TNFSF12: variants seen among roughly 807,000 people sequenced by gnomAD.
TNFSF12 encodes tumor necrosis factor ligand superfamily member 12.
Under a neutral mutation model 31.2 loss-of-function variants are expected in TNFSF12, and 16 were observed. That is an observed-to-expected ratio of 0.51 (90% confidence interval 0.35 to 0.78). TNFSF12 has a LOEUF of 0.78. TNFSF12 is among the 30% of genes least tolerant of loss of function. The pLI is 0.01. For synonymous variants in TNFSF12, 150 were observed against 151.4 expected (o/e 0.99, Z 0.07); for missense variants, 324 against 338.8 (o/e 0.96, Z 0.34).
At position 7,550,040 on chromosome 17, in the gene TNFSF12, G is replaced by A; in HGVS notation, c.208-80G>A. ...TGACTTCTGTGTCTATTGCTGGCTG[G>A]TGGCTCTCCTGACAGGCCCCGTATG... On this transcript the variant is annotated intron_variant, in intron 2 of 6. Transcript: ENST00000293825. The surrounding 1 kb of genome is among the most constrained non-coding windows in gnomAD (Gnocchi z 4.4). 3.1e-6 allele frequency: 5 copies of A among 1,606,648 alleles called. No individual in the cohort carries two copies.
chr17:7,550,931 T>C lies in TNFSF12; in HGVS notation c.338-12T>C, dbSNP rs778162062. 4 of 1,614,070 alleles carry C rather than the reference T, an allele frequency of 2.5e-6. No homozygotes were observed. The highest frequency in any genetic ancestry group is 3.4e-6 in the Non-Finnish European group (4 of 1,180,044). On this transcript the variant is annotated splice_polypyrimidine_tract_variant and intron_variant, in intron 4 of 6. Coordinates refer to ENST00000293825, the MANE Select transcript of TNFSF12 (RefSeq NM_003809.3). The surrounding 1 kb of genome is among the most constrained non-coding windows in gnomAD (Gnocchi z 4.4). ...AGGGCAGGTCTCACCAGCCTTTTCCTGTACTTTACAGTTCATCCACGACCT... is the reference window on the plus strand; with the variant it reads ...AGGGCAGGTCTCACCAGCCTTTTCCCGTACTTTACAGTTCATCCACGACCT...
chr17:7,552,327 C>CTT (rs930416946), intron 5 of TNFSF12, among the ~76,000 whole-genome samples: 109 of 128,904 alleles, frequency 8.5e-4, no homozygotes, highest in Non-Finnish European at 1.2e-3. Context: ...ATATGGATGG[C>CTT]TTTTTTTTTT....
intron 5 of TNFSF12, among the ~76,000 whole-genome samples, chr17:7,554,717 T>G (rs2071040835): frequency 7.0e-6 from 1 of 141,854 alleles, no homozygotes; most frequent in African/African-American, 2.7e-5. Context: ...CGGGTTCAAG[T>G]GATTCTCCTG....
At position 7,557,242 on chromosome 17, in the gene TNFSF12, G is replaced by A. The variant is rs4968189; in HGVS notation, c.642G>A (p.Gly214=). The change falls in exon 7 of 7, where the codon GGG becomes GGA. Residue 214 remains glycine, a synonymous_variant. Transcript: ENST00000293825. The surrounding 1 kb of genome is among the most constrained non-coding windows in gnomAD (Gnocchi z 5.2). ...GPQLRLCQVS[G]LLALRPGSSL... Reference sequence around the variant, plus strand: ...AGCTCCGCCTCTGCCAGGTGTCTGGGCTGTTGGCCCTGCGGCCAGGGTCCT... The same window carrying A: ...AGCTCCGCCTCTGCCAGGTGTCTGGACTGTTGGCCCTGCGGCCAGGGTCCT... 2 of 1,613,724 alleles carry A rather than the reference G, an allele frequency of 1.2e-6. No homozygotes were observed. Among genetic ancestry groups the A allele is most frequent in the East Asian group, 2.2e-5 (1 of 44,878 alleles).
At chr17:7,554,480 AT>A (rs1491219420) in intron 5 of TNFSF12, among the ~76,000 whole-genome samples, 1 of 131,314 alleles carries the variant, frequency 7.6e-6, no homozygotes, top group Non-Finnish European at 1.7e-5. Flanking sequence ...CGCCTGGCTA[AT>A]TTTTTTTTAT....
chr17:7,549,516 C>CCGT lies in TNFSF12; in HGVS notation c.205_207dup (p.Ser69dup), dbSNP rs753259588. 59 of 1,551,758 alleles carry CCGT rather than the reference C, an allele frequency of 3.8e-5. 1 individual carries two copies. The South Asian group carries it at 6.9e-4, about 18-fold the overall frequency. ...GCTGGTGGCAGAGGAGGACCAGGAC[C>CCGT]CGTCGGTGAGTGGGCGTGGGCGCGG... On this transcript the variant is annotated inframe_insertion, in exon 2 of 7. Transcript: ENST00000293825. This position sits in a 1 kb window ranked among gnomAD's most constrained non-coding sequence, Gnocchi z 4.1.
In TNFSF12 at chr17:7,550,833, G is replaced by T. The variant is rs764045774; in HGVS notation, c.318G>T (p.Ala106=). 6.2e-7 allele frequency: 1 copy of T among 1,612,384 alleles called. No individual in the cohort carries two copies. Among genetic ancestry groups the T allele is most frequent in the Admixed American group, 1.7e-5 (1 of 59,974 alleles). Residue 106 remains alanine (A), a synonymous_variant, in exon 4 of 7, where the codon GCG becomes GCT. Coordinates refer to ENST00000293825, the MANE Select transcript of TNFSF12 (RefSeq NM_003809.3). The surrounding 1 kb of genome is among the most constrained non-coding windows in gnomAD (Gnocchi z 4.4). Reference sequence around the variant, plus strand: ...GCCGGAAAACACGGGCTCGAAGAGCGATCGCAGCCCATTATGAAGGTGGGT... The same window carrying T: ...GCCGGAAAACACGGGCTCGAAGAGCTATCGCAGCCCATTATGAAGGTGGGT... The part of the protein sequence containing the change: ...PKGRKTRARR[A]IAAHYEVHPR...
Position 7,557,021 on chromosome 17 carries a change from G to A in TNFSF12, c.499-78G>A. The A allele has an allele frequency of 1.3e-6, 2 of 1,543,826 alleles. No individual in the cohort carries two copies. The highest frequency in any genetic ancestry group is 1.8e-6 in the Non-Finnish European group (2 of 1,141,382). ...AGTTGGGGTTTGGGTGGGATGGGAT[G>A]CCTGCGTCGCTGAGGAAATTGGAAA... On this transcript the variant is annotated intron_variant, in intron 6 of 6. Transcript: ENST00000293825. The surrounding 1 kb of genome is among the most constrained non-coding windows in gnomAD (Gnocchi z 5.2).
At chr17:7,555,982 G>GTTTTTTTTTTTTT (rs1167470187) in intron 5 of TNFSF12, among the ~76,000 whole-genome samples, 3 of 117,732 alleles carry the variant, frequency 2.5e-5, no homozygotes, top group Admixed American at 1.0e-4. Flanking sequence ...CGTTTTTTTT[G>GTTTTTTTTTTTTT]TTTTTTTTTT....
In TNFSF12 at chr17:7,555,973, G is replaced by GTTTTTTTTTTTTTTTTTTTTTTTTT. The variant is rs59248137; in HGVS notation, c.374-797_374-796insTTTTTTTTTTTTTTTTTTTTTTTTT. Reference sequence around the variant, plus strand: ...GTGGAAATAAAAATGCCCAGTGAGCGTTTTTTTTGTTTTTTTTTTTTTTTG... The same window carrying GTTTTTTTTTTTTTTTTTTTTTTTTT: ...GTGGAAATAAAAATGCCCAGTGAGCGTTTTTTTTTTTTTTTTTTTTTTTTTTTTTTTTTGTTTTTTTTTTTTTTTG... On this transcript the variant is annotated intron_variant, in intron 5 of 6. Transcript: ENST00000293825. Among the ~76,000 whole-genome samples the GTTTTTTTTTTTTTTTTTTTTTTTTT allele has an allele frequency of 1.7e-4, 12 of 70,880 alleles. 3 individuals are homozygous for GTTTTTTTTTTTTTTTTTTTTTTTTT. The highest frequency in any genetic ancestry group is 9.9e-4 in the South Asian group (2 of 2,016). The allele number at this position is 70,880 out of a possible 152,430, so 46.5% of individuals were successfully genotyped here.
intron 5 of TNFSF12, among the ~76,000 whole-genome samples, chr17:7,554,764 GCCA>G (rs34736138): frequency 0.29 from 42,268 of 146,768 alleles, 7,447 homozygotes; most frequent in Middle Eastern, 0.57. Context: ...ACAGGCGCCT[GCCA>G]CCACGCCTGG....
At chr17:7,551,118 C>G in intron 5 of TNFSF12, 140 bp downstream of exon 5, 2 of 1,440,208 alleles carry the variant, frequency 1.4e-6, no homozygotes, top group East Asian at 4.9e-5. Flanking sequence ...TCTCTGTGAC[C>G]CAGGCGTGGG....
At chr17:7,553,023 C>CTTTCTTTTTTTTTT (rs1567721053) in intron 5 of TNFSF12, among the ~76,000 whole-genome samples, 4 of 66,054 alleles carry the variant, frequency 6.1e-5, no homozygotes, top group African/African-American at 1.4e-4. Context: ...CAGGGACAAC[C>CTTTCTTTTTTTTTT]TTTTTTTTTT....
Position 7,557,580 on chromosome 17 carries a change from A to G in TNFSF12, c.*230A>G, listed in dbSNP as rs2071090058. 1.8e-6 allele frequency: 1 copy of G among 560,586 alleles called. No individual in the cohort carries two copies. The highest frequency in any genetic ancestry group is 3.4e-5 in the East Asian group (1 of 29,650). 34.7% of individuals were successfully genotyped at this position (560,586 alleles called of 1,614,324 possible). On this transcript the variant is annotated 3_prime_UTR_variant, in exon 7 of 7. Transcript: ENST00000293825. This position sits in a 1 kb window ranked among gnomAD's most constrained non-coding sequence, Gnocchi z 5.2. ...CACTCTCCACCTCACTAGCTCCCCA[A>G]TCCCTGACCCTTTGAGGCCCCCAGT...
At chr17:7,553,740 C>A in intron 5 of TNFSF12, 4 of 1,233,988 alleles carry the variant, frequency 3.2e-6, no homozygotes, top group South Asian at 2.7e-5. Flanking sequence ...GGGCCACATC[C>A]AAAAAGGGGA....
intron 5 of TNFSF12, 72 bp downstream of exon 5, chr17:7,551,050 TC>T: frequency 6.2e-7 from 1 of 1,606,156 alleles, no homozygotes; most frequent in Non-Finnish European, 8.5e-7. Context: ...GACCTCCCAC[TC>T]CCTTCCCGGC....
At position 7,557,821 on chromosome 17, in the gene TNFSF12, AAAC is replaced by A. The variant is rs1346530866; in HGVS notation, c.*473_*475del. ...CTTGAGAATTCCCTGTGGATTTTTA[AAAC>A]AGATATTATTTTTATTATTATTGTG... On this transcript the variant is annotated 3_prime_UTR_variant, in exon 7 of 7. Coordinates refer to ENST00000293825, the MANE Select transcript of TNFSF12 (RefSeq NM_003809.3). The surrounding 1 kb of genome is among the most constrained non-coding windows in gnomAD (Gnocchi z 5.2). The A allele has an allele frequency of 6.3e-6, 1 of 159,916 alleles. No individual in the cohort carries two copies. The highest frequency in any genetic ancestry group is 1.9e-4 in the East Asian group (1 of 5,390). The allele number at this position is 159,916 out of a possible 1,614,324, so 9.9% of individuals were successfully genotyped here. A position where few individuals can be genotyped will look rare whatever the true frequency, so the allele number is the denominator to read the frequency against.
At chr17:7,553,844 T>G (rs1351745650) in intron 5 of TNFSF12, 3 of 1,108,156 alleles carry the variant, frequency 2.7e-6, no homozygotes, top group Non-Finnish European at 2.2e-6. Flanking sequence ...GTAGATTTGC[T>G]GGGGGGAGAT....
intron 5 of TNFSF12, chr17:7,553,621 T>C: frequency 7.7e-7 from 1 of 1,303,024 alleles, no homozygotes; most frequent in South Asian, 1.2e-5. Context: ...GGCCATGAGA[T>C]ACTAAGTGGT....
Sources: allele counts gnomAD v4.1 joint callset (sites outside exome capture counted in the v4.1 genomes callset), GRCh38; gene constraint gnomAD v4.1.1; non-coding constraint Gnocchi (gnomAD v3.1); transcripts MANE v1.5; gene names NCBI Gene and HGNC (gene_info 2026-07-23, HGNC 2026-07-21).